The following HDAC4 variants were observed in gnomAD, a reference collection of about 807,000 sequenced individuals.
HDAC4 encodes the protein histone deacetylase 4, also known as histone deacetylase A.
Under a neutral mutation model 135.1 loss-of-function variants are expected in HDAC4, and 16 were observed. That is an observed-to-expected ratio of 0.12 (90% CI 0.08 to 0.18). HDAC4 has a LOEUF of 0.18. Ranked by LOEUF, HDAC4 falls within the 10% of genes least tolerant of loss-of-function variation. The probability of loss-of-function intolerance (pLI) is 1.00; values close to 1 mark genes in which losing one functional copy is unlikely to be tolerated. For synonymous variants in HDAC4, 685 were observed against 653.4 expected (o/e 1.05, Z -0.74); for missense variants, 1,143 against 1,511.8 (o/e 0.76, Z 4.05).
intron 2 of HDAC4, among the ~76,000 whole-genome samples, chr2:239,311,284 A>G (rs1311240602): frequency 2.0e-5 from 3 of 152,180 alleles, no homozygotes; most frequent in Non-Finnish European, 2.9e-5. Flanking sequence ...TGTCACTGGC[A>G]TGCTGGTCTT....
At chr2:239,324,259 AAC>A (rs2053404100) in intron 2 of HDAC4, among the ~76,000 whole-genome samples, 1 of 152,240 alleles carries the variant, frequency 6.6e-6, no homozygotes, top group South Asian at 2.1e-4. Flanking sequence ...AGCTGAAAGA[AAC>A]ACAGCCCTGA....
rs1274529621 is a variant in HDAC4 at position 239,400,903 on chromosome 2, G to GGGC, written c.-220+72_-220+74dup. 1.4e-5 allele frequency: 2 copies of GGGC among 147,936 alleles called. No individual in the cohort carries two copies. Among genetic ancestry groups the GGGC allele is most frequent in the South Asian group, 1.8e-4 (1 of 5,642 alleles). The allele number at this position is 147,936 out of a possible 1,614,324, so 9.2% of individuals were successfully genotyped here. On this transcript the variant is annotated intron_variant, in intron 1 of 26. Coordinates refer to ENST00000543185, the MANE Select transcript of HDAC4 (RefSeq NM_001378414.1). The surrounding 1 kb of genome is among the most constrained non-coding windows in gnomAD (Gnocchi z 4.7). Reference sequence around the variant, plus strand: ...GGTGCGCGGGCTCGGGCTCGGGCTCGGGCGGCGGCGGGGACGGTGCTCCGC... The same window carrying GGGC: ...GGTGCGCGGGCTCGGGCTCGGGCTCGGGCGGCGGCGGCGGGGACGGTGCTCCGC...
chr2:239,152,259 G>T (rs1278475214), intron 7 of HDAC4, among the ~76,000 whole-genome samples: 1 of 152,202 alleles, frequency 6.6e-6, no homozygotes, highest in African/African-American at 2.4e-5. Context: ...CACCCACACA[G>T]TGCAGGAAAG....
In HDAC4 at chr2:239,141,176, A is replaced by G. The variant is rs538308852; in HGVS notation, c.866-1380T>C. On this transcript the variant is annotated intron_variant, in intron 8 of 26. Transcript: ENST00000543185. The surrounding 1 kb of genome is among the most constrained non-coding windows in gnomAD (Gnocchi z 4.9). The stretch of plus-strand genomic sequence containing the variant: ...GGCGTCTGCATACCAGAGTTAACCC[A>G]GCTGGGTGGTGAAGGCGCACCTCCT... Among the ~76,000 whole-genome samples, 1 of 152,152 alleles carries G rather than the reference A, an allele frequency of 6.6e-6. No homozygotes were observed. The highest frequency in any genetic ancestry group is 2.1e-4 in the South Asian group (1 of 4,832).
chr2:239,398,331 T>A (rs551653999), intron 1 of HDAC4, among the ~76,000 whole-genome samples: 1 of 152,258 alleles, frequency 6.6e-6, no homozygotes, highest in Non-Finnish European at 1.5e-5. Flanking sequence ...TAAAGTCGCC[T>A]TTCCTTTGGT....
chr2:239,287,664 A>G (rs1043023557), intron 2 of HDAC4, among the ~76,000 whole-genome samples: 4 of 152,222 alleles, frequency 2.6e-5, no homozygotes, highest in South Asian at 2.1e-4. Flanking sequence ...GGAAGATAAG[A>G]GCAGGCATTT....
intron 2 of HDAC4, among the ~76,000 whole-genome samples, chr2:239,270,873 C>A (rs1383390962): frequency 2.0e-5 from 3 of 152,176 alleles, no homozygotes; most frequent in African/African-American, 7.2e-5. Flanking sequence ...GTAAATTATA[C>A]ACTGGTAGGC....
chr2:239,112,630 C>T (rs551658673), intron 13 of HDAC4, among the ~76,000 whole-genome samples: 43 of 152,212 alleles, frequency 2.8e-4, no homozygotes, highest in African/African-American at 8.9e-4. Flanking sequence ...AACCCCCATA[C>T]GAGGCAGAGT....
intron 2 of HDAC4, among the ~76,000 whole-genome samples, chr2:239,296,207 GCA>G (rs138368204): frequency 1.8e-4 from 27 of 152,174 alleles, no homozygotes; most frequent in South Asian, 2.1e-4. Context: ...CACTCTCAAA[GCA>G]CACACACACA....
At chr2:239,335,746 G>A (rs558473225) in intron 2 of HDAC4, among the ~76,000 whole-genome samples, 1 of 152,168 alleles carries the variant, frequency 6.6e-6, no homozygotes, top group Admixed American at 6.5e-5. Context: ...TTAGTAATCT[G>A]GGAAATACAA....
At chr2:239,077,869 G>A (rs554900462) in intron 22 of HDAC4, among the ~76,000 whole-genome samples, 4 of 152,306 alleles carry the variant, frequency 2.6e-5, no homozygotes, top group African/African-American at 9.6e-5. Context: ...CAGCCTTCCC[G>A]TCTTACTTGA....
chr2:239,133,210 C>T (rs1376976600), intron 11 of HDAC4, among the ~76,000 whole-genome samples: 3 of 152,164 alleles, frequency 2.0e-5, no homozygotes, highest in African/African-American at 7.2e-5. Context: ...AAGAAAACAC[C>T]AAAATCCACC....
At chr2:239,259,959 C>G (rs1260241323) in intron 2 of HDAC4, among the ~76,000 whole-genome samples, 1 of 152,202 alleles carries the variant, frequency 6.6e-6, no homozygotes, top group African/African-American at 2.4e-5. Flanking sequence ...AGAAGAGGAT[C>G]TAAGGGTGAA....
intron 22 of HDAC4, among the ~76,000 whole-genome samples, chr2:239,076,769 A>C (rs2034808703): frequency 6.6e-6 from 1 of 152,182 alleles, no homozygotes; most frequent in Non-Finnish European, 1.5e-5. Context: ...AGATGCTCCC[A>C]ACCACCCACT....
chr2:239,304,681 T>A (rs1177177971), intron 2 of HDAC4, among the ~76,000 whole-genome samples: 1 of 151,926 alleles, frequency 6.6e-6, no homozygotes, highest in African/African-American at 2.4e-5. Context: ...GCTCCTGGGG[T>A]CAGGAGCTCT....
rs960809241 is a variant in HDAC4 at position 239,124,403 on chromosome 2, C to T, written c.1533+2053G>A. 3.3e-5 allele frequency among the ~76,000 whole-genome samples: 5 copies of T among 152,246 alleles called. No homozygotes were observed. In the East Asian group the frequency reaches 5.8e-4, roughly 18 times the overall value. ...TTTATGTGCATGAAATCATACCACA[C>T]GCGGCCTCTCGTGCCTGGCATCCTG... On this transcript the variant is annotated intron_variant, in intron 12 of 26. Transcript: ENST00000543185.
intron 7 of HDAC4, among the ~76,000 whole-genome samples, chr2:239,150,211 A>G (rs2042022855): frequency 6.6e-6 from 1 of 152,196 alleles, no homozygotes; most frequent in Non-Finnish European, 1.5e-5. Flanking sequence ...AGGTACACAC[A>G]CAGACACACA....
chr2:239,196,399 TC>T (rs1365480093), intron 3 of HDAC4, among the ~76,000 whole-genome samples: 1 of 152,200 alleles, frequency 6.6e-6, no homozygotes, highest in Non-Finnish European at 1.5e-5. Context: ...GTGAGCAACA[TC>T]CTGACCTTGT....
chr2:239,242,173 GAA>G (rs1205555483), intron 2 of HDAC4, among the ~76,000 whole-genome samples: 6 of 137,972 alleles, frequency 4.3e-5, no homozygotes, highest in Middle Eastern at 3.7e-3. Context: ...AAAAGAGAAA[GAA>G]AGAGAGAGAG....
Sources: gnomAD v4.1 joint callset for allele counts (sites outside exome capture counted in the v4.1 genomes callset) on GRCh38, gnomAD v4.1.1 for gene constraint, Gnocchi (gnomAD v3.1) non-coding constraint, MANE v1.5 for transcripts, NCBI Gene and HGNC (gene_info 2026-07-23, HGNC 2026-07-21) for gene names.